Variants in ZFHX3 observed in about 807,000 individuals in gnomAD.
ZFHX3 encodes the protein zinc finger homeobox protein 3.
A neutral mutation model predicts 279.1 loss-of-function variants in ZFHX3; 42 were observed. That is an observed-to-expected ratio of 0.15 (90% CI 0.12 to 0.19). ZFHX3 has a LOEUF of 0.19. Among genes scored for constraint, ZFHX3 ranks in the 10% least tolerant of loss-of-function variants. The probability of loss-of-function intolerance (pLI) is 1.00; values close to 1 mark genes in which losing one functional copy is unlikely to be tolerated. For synonymous variants in ZFHX3, 2,293 were observed against 1,957.8 expected (o/e 1.17, Z -4.52); for missense variants, 4,981 against 4,754.0 (o/e 1.05, Z -1.40).
At chr16:73,725,639 G>C (rs915232847) in intron 1 of ZFHX3, among the ~76,000 whole-genome samples, 3 of 151,940 alleles carry the variant, frequency 2.0e-5, no homozygotes, top group African/African-American at 7.3e-5. Context: ...GAACAAAATG[G>C]TAAAGCATTG....
chr16:73,331,750 T>C (rs2015809355), intron 3 of ZFHX3, among the ~76,000 whole-genome samples: 1 of 152,208 alleles, frequency 6.6e-6, no homozygotes, highest in African/African-American at 2.4e-5. Context: ...TTGAGTCTTA[T>C]GCAGAGAATA....
At chr16:73,877,004 G>C (rs1235034899) in intron 1 of ZFHX3, among the ~76,000 whole-genome samples, 1 of 150,456 alleles carries the variant, frequency 6.6e-6, no homozygotes, top group Admixed American at 6.6e-5. Context: ...TGCTAAATAC[G>C]AGCCCTGGTA....
intron 1 of ZFHX3, among the ~76,000 whole-genome samples, chr16:73,009,933 A>G (rs1732737895): frequency 6.6e-6 from 1 of 151,824 alleles, no homozygotes; most frequent in African/African-American, 2.4e-5. Flanking sequence ...AGGCAGGAGA[A>G]TCATTTGAAC....
At chr16:73,534,303 C>T (rs1158565026) in intron 2 of ZFHX3, among the ~76,000 whole-genome samples, 1 of 152,142 alleles carries the variant, frequency 6.6e-6, no homozygotes, top group Non-Finnish European at 1.5e-5. Flanking sequence ...AAAGGCAATG[C>T]TTTCGCCTCC....
Position 72,953,871 on chromosome 16 carries a change from T to C in ZFHX3, c.2720-2906A>G, listed in dbSNP as rs78866338. Among the ~76,000 whole-genome samples, 34 of 151,826 alleles carry C rather than the reference T, an allele frequency of 2.2e-4. No individual in the cohort carries two copies. In the East Asian group the frequency reaches 6.5e-3, roughly 29 times the overall value. ...CATGAGCCACCATGCCTGGCCAGCATTCTAGGCTGTTAAAATGAAATGCAA... is the reference window on the plus strand; with the variant it reads ...CATGAGCCACCATGCCTGGCCAGCACTCTAGGCTGTTAAAATGAAATGCAA... On this transcript the variant is annotated intron_variant, in intron 2 of 9. Coordinates refer to ENST00000268489, the MANE Select transcript of ZFHX3 (RefSeq NM_006885.4).
At chr16:73,781,157 C>T (rs541672261) in intron 1 of ZFHX3, among the ~76,000 whole-genome samples, 1 of 152,192 alleles carries the variant, frequency 6.6e-6, no homozygotes, top group South Asian at 2.1e-4. Context: ...TTTAACACTC[C>T]CTGCCTCATT....
At chr16:73,373,080 G>A (rs2016659381) in intron 3 of ZFHX3, among the ~76,000 whole-genome samples, 2 of 152,022 alleles carry the variant, frequency 1.3e-5, no homozygotes, top group African/African-American at 2.4e-5. Context: ...CTTTTCCAGT[G>A]TGAAAAATTA....
At chr16:73,519,416 T>C (rs956255078) in intron 2 of ZFHX3, among the ~76,000 whole-genome samples, 2 of 152,196 alleles carry the variant, frequency 1.3e-5, no homozygotes, top group African/African-American at 4.8e-5. Flanking sequence ...TCTGCCTTGT[T>C]TTTTTAAAAA....
At chr16:72,967,933 A>AG (rs1961925402) in intron 1 of ZFHX3, among the ~76,000 whole-genome samples, 1 of 151,498 alleles carries the variant, frequency 6.6e-6, no homozygotes, top group Non-Finnish European at 1.5e-5. Context: ...ATCTAAAAAA[A>AG]AAAAAAAAAG....
intron 5 of ZFHX3, among the ~76,000 whole-genome samples, chr16:73,145,853 G>A (rs1180385999): frequency 1.3e-5 from 2 of 152,228 alleles, no homozygotes; most frequent in Non-Finnish European, 2.9e-5. Context: ...GGTCCTGCAA[G>A]TCCAAGACAG....
At chr16:73,354,695 C>T (rs908577090) in intron 3 of ZFHX3, among the ~76,000 whole-genome samples, 1 of 99,384 alleles carries the variant, frequency 1.0e-5, no homozygotes, top group Non-Finnish European at 2.0e-5. Context: ...CCAGAGACAG[C>T]GACCTCATCC....
chr16:72,952,143 G>T (rs1312991366), intron 2 of ZFHX3, among the ~76,000 whole-genome samples: 1 of 152,216 alleles, frequency 6.6e-6, no homozygotes, highest in Non-Finnish European at 1.5e-5. Flanking sequence ...CAGGGACTGA[G>T]ATGGAAGGAT....
At chr16:73,537,377 C>T (rs567007601) in intron 2 of ZFHX3, among the ~76,000 whole-genome samples, 72 of 138,004 alleles carry the variant, frequency 5.2e-4, no homozygotes, top group African/African-American at 1.7e-3. Flanking sequence ...AGTGCAGTGG[C>T]GCGATCTTGA....
intron 1 of ZFHX3, among the ~76,000 whole-genome samples, chr16:73,843,783 T>C (rs1330815477): frequency 2.0e-5 from 3 of 152,168 alleles, no homozygotes; most frequent in Non-Finnish European, 4.4e-5. Context: ...TTTTAGGCTT[T>C]CTGGACCACT....
At chr16:73,550,215 C>T (rs2020183239) in intron 2 of ZFHX3, among the ~76,000 whole-genome samples, 1 of 152,070 alleles carries the variant, frequency 6.6e-6, no homozygotes, top group African/African-American at 2.4e-5. Flanking sequence ...GATGACGGCT[C>T]ATTGAGGCAA....
intron 1 of ZFHX3, among the ~76,000 whole-genome samples, chr16:73,055,697 C>CACACACACACACACACACACACACACAT (rs1389908231): frequency 1.0e-4 from 9 of 86,534 alleles, no homozygotes; most frequent in African/African-American, 2.6e-4. Context: ...CGCGCGCGCG[C>CACACACACACACACACACACACACACAT]GCACACACAC....
At chr16:73,087,350 C>A (rs1040169996) in intron 8 of ZFHX3, among the ~76,000 whole-genome samples, 36 of 152,074 alleles carry the variant, frequency 2.4e-4, no homozygotes, top group African/African-American at 8.2e-4. Flanking sequence ...ACCAACGTAC[C>A]CAGCGGGACA....
intron 2 of ZFHX3, among the ~76,000 whole-genome samples, chr16:73,489,402 C>G (rs541638893): frequency 1.4e-4 from 22 of 152,280 alleles, no homozygotes; most frequent in Admixed American, 6.5e-4. Context: ...AGAAATGATT[C>G]CATAGCTTCT....
At chr16:73,191,623 C>T (rs1173948152) in intron 5 of ZFHX3, among the ~76,000 whole-genome samples, 1 of 152,172 alleles carries the variant, frequency 6.6e-6, no homozygotes, top group African/African-American at 2.4e-5. Flanking sequence ...TCGATTTTTC[C>T]CCCCAGATTC....
Sources: gnomAD v4.1 joint callset for allele counts (sites outside exome capture counted in the v4.1 genomes callset) on GRCh38, gnomAD v4.1.1 for gene constraint, MANE v1.5 for transcripts, NCBI Gene and HGNC (gene_info 2026-07-23, HGNC 2026-07-21) for gene names.